Variants in CCDC85C observed in about 807,000 individuals in gnomAD.
The protein encoded by CCDC85C is coiled-coil domain-containing protein 85C.
A neutral mutation model predicts 38.3 loss-of-function variants in CCDC85C; 18 were observed. The observed-to-expected ratio is 0.47, with a 90% CI of 0.33 to 0.70. The LOEUF is 0.70. Among genes scored for constraint, CCDC85C ranks in the 30% least tolerant of loss-of-function variants. CCDC85C has a pLI of 0.03. For synonymous variants in CCDC85C, 264 were observed against 293.8 expected (o/e 0.90, Z 1.04); for missense variants, 566 against 621.2 (o/e 0.91, Z 0.94).
rs1469026715 is a variant in CCDC85C at position 99,520,625 on chromosome 14, T to A, written c.975+1508A>T. Reference sequence around the variant, plus strand: ...CCTGCCCGCCGACCAGCCCTGATCATGGCCCCTGAACCTCAGTTTATCACC... The same window carrying A: ...CCTGCCCGCCGACCAGCCCTGATCAAGGCCCCTGAACCTCAGTTTATCACC... On this transcript the variant is annotated intron_variant, in intron 3 of 5. Transcript: ENST00000380243. The surrounding 1 kb of genome is among the most constrained non-coding windows in gnomAD (Gnocchi z 4.1). 2.6e-5 allele frequency among the ~76,000 whole-genome samples: 4 copies of A among 151,188 alleles called. No homozygotes were observed. In the South Asian group the frequency reaches 8.3e-4, roughly 32 times the overall value.
intron 1 of CCDC85C, among the ~76,000 whole-genome samples, chr14:99,582,468 C>T (rs1004035047): frequency 2.0e-5 from 3 of 152,036 alleles, no homozygotes; most frequent in South Asian, 2.1e-4. Context: ...ACCGTGAACG[C>T]ACCTGATCTC....
rs766198878 is a variant in CCDC85C, at chr14:99,503,926, C to T, written c.*11320G>A. 2.6e-4 allele frequency: 116 copies of T among 439,436 alleles called. No individual in the cohort carries two copies. Among genetic ancestry groups the T allele is most frequent in the Middle Eastern group, 6.2e-4 (1 of 1,610 alleles). 27.2% of individuals were successfully genotyped at this position (439,436 alleles called of 1,614,324 possible). ...AATTATGGCTGTAGGAGAACTGTTG[C>T]TGCAATTTTATTTTTAGAGACTATT... On this transcript the variant is annotated 3_prime_UTR_variant, in exon 6 of 6. Transcript: ENST00000380243.
chr14:99,521,938 C>T (rs1027411611), intron 3 of CCDC85C, among the ~76,000 whole-genome samples, 195 bp downstream of exon 3: 6 of 152,226 alleles, frequency 3.9e-5, no homozygotes, highest in African/African-American at 1.2e-4. Flanking sequence ...GAGACTGCCC[C>T]GCACCTCCAG....
Position 99,504,140 on chromosome 14 carries a change from T to C in CCDC85C, c.*11106A>G. On this transcript the variant is annotated 3_prime_UTR_variant, in exon 6 of 6. Transcript: ENST00000380243. ...CACATGTCTAGAACCCAAAGTTAGT[T>C]CATGTCAATATTGGAAATAAACAGA... The C allele has an allele frequency of 3.3e-6, 1 of 301,758 alleles. No individual in the cohort carries two copies. Among genetic ancestry groups the C allele is most frequent in the Non-Finnish European group, 6.7e-6 (1 of 148,204 alleles). 18.7% of individuals were successfully genotyped at this position (301,758 alleles called of 1,614,324 possible). A position where few individuals can be genotyped will look rare whatever the true frequency, so the allele number is the denominator to read the frequency against.
chr14:99,544,514 G>T lies in CCDC85C; in HGVS notation c.794-8426C>A, dbSNP rs559653644. On this transcript the variant is annotated intron_variant, in intron 1 of 5. Transcript: ENST00000380243. This position sits in a 1 kb window ranked among gnomAD's most constrained non-coding sequence, Gnocchi z 5.3. ...GGTGTGTGTGTGTGTGTGTGTGTGT[G>T]TGTCTGTGTGTCTGTGTGTTCCCAC... Among the ~76,000 whole-genome samples the T allele has an allele frequency of 6.9e-4, 104 of 151,316 alleles. No homozygotes were observed. Among genetic ancestry groups the T allele is most frequent in the Admixed American group, 5.8e-3 (88 of 15,162 alleles).
intron 1 of CCDC85C, among the ~76,000 whole-genome samples, chr14:99,580,504 T>A (rs540999238): frequency 2.0e-5 from 3 of 147,764 alleles, no homozygotes; most frequent in African/African-American, 7.5e-5. Flanking sequence ...TGGGGGGAAC[T>A]GGAGGCGGAG....
At chr14:99,556,045 A>G (rs114555295) in intron 1 of CCDC85C, among the ~76,000 whole-genome samples, 4,261 of 152,338 alleles carry the variant, frequency 0.028, 208 homozygotes, top group African/African-American at 0.097. Context: ...AAAAATGTCA[A>G]TGTAAAGAAA....
chr14:99,551,296 G>A (rs960198832), intron 1 of CCDC85C, among the ~76,000 whole-genome samples: 5 of 152,310 alleles, frequency 3.3e-5, no homozygotes, highest in East Asian at 1.9e-4. Context: ...GAGGCCACAC[G>A]GGATTGGAGG....
intron 1 of CCDC85C, among the ~76,000 whole-genome samples, chr14:99,540,915 C>A (rs1343533353): frequency 6.6e-6 from 1 of 152,206 alleles, no homozygotes; most frequent in African/African-American, 2.4e-5. Flanking sequence ...ATACCCTGCA[C>A]TGGGTCCTGC....
At chr14:99,580,297 C>G (rs899038899) in intron 1 of CCDC85C, among the ~76,000 whole-genome samples, 2 of 151,702 alleles carry the variant, frequency 1.3e-5, no homozygotes, top group African/African-American at 4.8e-5. Flanking sequence ...GAGCTCAAGG[C>G]AGAGACTGCC....
intron 2 of CCDC85C, among the ~76,000 whole-genome samples, chr14:99,528,727 A>C (rs988027382): frequency 1.3e-5 from 2 of 151,146 alleles, no homozygotes; most frequent in African/African-American, 4.9e-5. Context: ...ATGACCTGCA[A>C]GGTCGCCCAC....
rs889578849 is a variant in CCDC85C, at chr14:99,520,112, C to A, written c.975+2021G>T. On this transcript the variant is annotated intron_variant, in intron 3 of 5. Transcript: ENST00000380243. This position sits in a 1 kb window ranked among gnomAD's most constrained non-coding sequence, Gnocchi z 4.1. ...GTGGGCAGGGAGGGGGTGTCCACCCCAGAGAGTCACCTGCTTTACCCAGGG... is the reference window on the plus strand; with the variant it reads ...GTGGGCAGGGAGGGGGTGTCCACCCAAGAGAGTCACCTGCTTTACCCAGGG... Among the ~76,000 whole-genome samples, 4 of 152,192 alleles carry A rather than the reference C, an allele frequency of 2.6e-5. No homozygotes were observed. Among genetic ancestry groups the A allele is most frequent in the African/African-American group, 4.8e-5 (2 of 41,442 alleles).
At chr14:99,579,346 G>A (rs2054940077) in intron 1 of CCDC85C, among the ~76,000 whole-genome samples, 1 of 152,246 alleles carries the variant, frequency 6.6e-6, no homozygotes, top group South Asian at 2.1e-4. Flanking sequence ...TCTGCCGGTG[G>A]AGGAAGAGAA....
chr14:99,593,457 G>A (rs1213666472), intron 1 of CCDC85C, among the ~76,000 whole-genome samples: 1 of 152,260 alleles, frequency 6.6e-6, no homozygotes, highest in Non-Finnish European at 1.5e-5. Context: ...GGGTGGCGGA[G>A]GCAGCCACCT....
Position 99,569,712 on chromosome 14 carries a change from T to C in CCDC85C, c.793+33455A>G, listed in dbSNP as rs1009830876. ...CATTGCTAGTTCTTTGCACCTCTGC[T>C]TCCCCCCAACATGTCACACACCCCA... On this transcript the variant is annotated intron_variant, in intron 1 of 5. Transcript: ENST00000380243. This position sits in a 1 kb window ranked among gnomAD's most constrained non-coding sequence, Gnocchi z 4.3. 4.6e-5 allele frequency among the ~76,000 whole-genome samples: 7 copies of C among 152,134 alleles called. No individual in the cohort carries two copies. The highest frequency in any genetic ancestry group is 1.7e-4 in the African/African-American group (7 of 41,422).
intron 1 of CCDC85C, among the ~76,000 whole-genome samples, chr14:99,583,846 C>T (rs997901155): frequency 2.7e-5 from 4 of 147,524 alleles, no homozygotes; most frequent in Admixed American, 6.8e-5. Flanking sequence ...AACTAACATA[C>T]ACATGTGATA....
At position 99,501,003 on chromosome 14, in the gene CCDC85C, T is replaced by G. The variant is rs1896810166; in HGVS notation, c.*14243A>C. The G allele has an allele frequency of 1.5e-6, 1 of 655,210 alleles. No individual in the cohort carries two copies. The highest frequency in any genetic ancestry group is 1.9e-5 in the African/African-American group (1 of 54,042). The allele number at this position is 655,210 out of a possible 1,614,324, so 40.6% of individuals were successfully genotyped here. On this transcript the variant is annotated 3_prime_UTR_variant, in exon 6 of 6. Transcript: ENST00000380243. ...GTGAAATACCAAGGGCATGGCTTGC[T>G]CAGTCAATTCAGCATTGCAGCTGCT... is the stretch of plus-strand genomic sequence containing the variant.
intron 1 of CCDC85C, among the ~76,000 whole-genome samples, chr14:99,562,677 C>T (rs1046446641): frequency 2.0e-5 from 3 of 152,184 alleles, no homozygotes; most frequent in African/African-American, 7.2e-5. Context: ...AGGGTTCTCA[C>T]GGAAACAGAA....
rs965479958 is a variant in CCDC85C, at chr14:99,514,990, C to T, written c.*256G>A. 4.8e-5 allele frequency: 19 copies of T among 392,830 alleles called. No homozygotes were observed. Among genetic ancestry groups the T allele is most frequent in the African/African-American group, 3.4e-4 (17 of 49,316 alleles). 24.3% of individuals were successfully genotyped at this position (392,830 alleles called of 1,614,324 possible). A position where few individuals can be genotyped will look rare whatever the true frequency, so the allele number is the denominator to read the frequency against. Reference sequence around the variant, plus strand: ...CCCAGGGCCCAGAGGGGGAATGAGGCGTCCGGGCCGCTCTGCTGCAGGAAC... The same window carrying T: ...CCCAGGGCCCAGAGGGGGAATGAGGTGTCCGGGCCGCTCTGCTGCAGGAAC... On this transcript the variant is annotated 3_prime_UTR_variant, in exon 6 of 6. Coordinates refer to ENST00000380243, the MANE Select transcript of CCDC85C (RefSeq NM_001144995.2).
Sources: allele counts gnomAD v4.1 joint callset (sites outside exome capture counted in the v4.1 genomes callset), GRCh38; gene constraint gnomAD v4.1.1; non-coding constraint Gnocchi (gnomAD v3.1); transcripts MANE v1.5; gene names NCBI Gene and HGNC (gene_info 2026-07-23, HGNC 2026-07-21).